Variants in RGS6 observed in about 807,000 individuals in gnomAD.
RGS6 encodes the protein regulator of G-protein signaling 6.
In RGS6, 30 loss-of-function variants were observed where a neutral mutation model predicts 78.5. The observed-to-expected ratio is 0.38, with a 90% CI of 0.29 to 0.52. RGS6 has a LOEUF of 0.52. Among genes scored for constraint, RGS6 ranks in the 20% least tolerant of loss-of-function variants. The pLI is 0.85. For missense variants in RGS6, 495 were observed against 609.7 expected (o/e 0.81, Z 1.98); for synonymous variants, 206 against 206.0 (o/e 1.00, Z 0.00).
At chr14:71,898,551 CAGGTTTGT>C in the RGS6 span, among the ~76,000 whole-genome samples, 1 of 152,008 alleles carries the variant, frequency 6.6e-6, no homozygotes, top group Non-Finnish European at 1.5e-5. Flanking sequence ...GCAGAACGTG[CAGGTTTGT>C]TACATAGGTA....
chr14:72,597,889 G>A, the RGS6 span, among the ~76,000 whole-genome samples: 4 of 152,142 alleles, frequency 2.6e-5, no homozygotes, highest in African/African-American at 4.8e-5. Context: ...GAGAGATGGA[G>A]GGAGCCGGCA....
At chr14:72,458,167 A>C in intron 4 of RGS6, 104 bp from the exon 5 acceptor site, 2 of 830,196 alleles carry the variant, frequency 2.4e-6, no homozygotes, top group Non-Finnish European at 3.9e-6. Flanking sequence ...TCATCAACAC[A>C]GACATCTGGG....
chr14:72,550,209 A>G (rs913400918), intron 17 of RGS6, among the ~76,000 whole-genome samples: 26 of 152,338 alleles, frequency 1.7e-4, no homozygotes, highest in South Asian at 4.1e-4. Flanking sequence ...AAGTTTTAAT[A>G]AGACACTTTT....
At chr14:72,462,140 T>C (rs2095798069) in intron 6 of RGS6, among the ~76,000 whole-genome samples, 1 of 152,122 alleles carries the variant, frequency 6.6e-6, no homozygotes, top group Non-Finnish European at 1.5e-5. Flanking sequence ...CGTTTACTGG[T>C]CCCTACTCTG....
chr14:71,997,862 C>T (rs937372372), intron 2 of RGS6, among the ~76,000 whole-genome samples: 3 of 152,294 alleles, frequency 2.0e-5, no homozygotes, highest in Non-Finnish European at 2.9e-5. Flanking sequence ...CAGTACAAGA[C>T]ATGAAAACTT....
chr14:72,059,154 C>T (rs2093766395), intron 2 of RGS6, among the ~76,000 whole-genome samples: 1 of 152,234 alleles, frequency 6.6e-6, no homozygotes, highest in Non-Finnish European at 1.5e-5. Context: ...CCTGCCTCAG[C>T]CTCCCACAGT....
At chr14:72,450,939 G>A (rs2095477090) in intron 3 of RGS6, among the ~76,000 whole-genome samples, 2 of 152,192 alleles carry the variant, frequency 1.3e-5, no homozygotes, top group African/African-American at 2.4e-5. Flanking sequence ...TTCCCTTTCT[G>A]ACTTGTTCCT....
intron 2 of RGS6, among the ~76,000 whole-genome samples, chr14:72,002,058 A>G (rs992321634): frequency 4.0e-5 from 6 of 151,760 alleles, no homozygotes; most frequent in African/African-American, 1.5e-4. Context: ...CTGCACCACC[A>G]TGCCTGGCTA....
chr14:72,501,996 T>C (rs751269437), intron 13 of RGS6, among the ~76,000 whole-genome samples: 5 of 152,114 alleles, frequency 3.3e-5, no homozygotes, highest in Non-Finnish European at 7.4e-5. Context: ...TATGGCCCCA[T>C]TGGTGCCTTC....
At chr14:72,230,737 C>G (rs1043685837) in intron 2 of RGS6, among the ~76,000 whole-genome samples, 18 of 152,144 alleles carry the variant, frequency 1.2e-4, no homozygotes, top group African/African-American at 4.1e-4. Flanking sequence ...GGGGAAACCT[C>G]AATTTTGCTT....
At chr14:72,574,124 G>C in the RGS6 span, among the ~76,000 whole-genome samples, 1 of 152,140 alleles carries the variant, frequency 6.6e-6, no homozygotes, top group Non-Finnish European at 1.5e-5. Context: ...GCCCCTCCCC[G>C]GTCAGGCACA....
intron 12 of RGS6, among the ~76,000 whole-genome samples, chr14:72,486,475 A>G (rs1016706928): frequency 6.6e-5 from 10 of 152,046 alleles, no homozygotes; most frequent in Middle Eastern, 3.2e-3. Flanking sequence ...AGAAGTGAGC[A>G]GAAACCCATA....
Position 72,480,759 on chromosome 14 carries a change from G to GCA in RGS6, c.854+2433_854+2434dup, listed in dbSNP as rs1401407605. Among the ~76,000 whole-genome samples the GCA allele has an allele frequency of 3.2e-4, 48 of 152,198 alleles. 1 individual carries two copies. The highest frequency in any genetic ancestry group is 1.0e-3 in the South Asian group (5 of 4,814). ...AGGCTGAGCTCTCTCAGGTGGGCAC[G>GCA]CACATCCACATCCACATCCCCATCC... is the stretch of plus-strand genomic sequence containing the variant. On this transcript the variant is annotated intron_variant, in intron 12 of 17. Transcript: ENST00000553525.
At chr14:72,344,940 A>G (rs2077729098) in intron 2 of RGS6, among the ~76,000 whole-genome samples, 1 of 152,182 alleles carries the variant, frequency 6.6e-6, no homozygotes, top group African/African-American at 2.4e-5. Flanking sequence ...CGTGGTAGAC[A>G]GTGTTACATG....
chr14:71,992,636 C>G (rs2095013277), intron 2 of RGS6, among the ~76,000 whole-genome samples: 2 of 152,212 alleles, frequency 1.3e-5, no homozygotes. Flanking sequence ...AAGCCATGCT[C>G]TTAACTACTC....
At chr14:72,174,729 G>A (rs1488524977) in intron 2 of RGS6, among the ~76,000 whole-genome samples, 5 of 152,128 alleles carry the variant, frequency 3.3e-5, no homozygotes. Flanking sequence ...GGGACTTGGT[G>A]CAGGGATATG....
intron 2 of RGS6, among the ~76,000 whole-genome samples, chr14:72,053,973 A>G (rs2093477188): frequency 6.6e-6 from 1 of 152,238 alleles, no homozygotes; most frequent in Non-Finnish European, 1.5e-5. Flanking sequence ...GGAAATTGAG[A>G]TAAGACCGAA....
intron 15 of RGS6, among the ~76,000 whole-genome samples, chr14:72,521,847 G>T (rs1355868412): frequency 1.3e-5 from 2 of 152,220 alleles, no homozygotes; most frequent in African/African-American, 2.4e-5. Context: ...AAGGAAGCAT[G>T]TCAACCACTA....
At chr14:72,071,057 A>C (rs961220493) in intron 2 of RGS6, among the ~76,000 whole-genome samples, 2 of 151,916 alleles carry the variant, frequency 1.3e-5, no homozygotes, top group African/African-American at 4.9e-5. Context: ...GACCAGCTGG[A>C]TGTAGTCGCC....
Sources: gnomAD v4.1 joint callset for allele counts (sites outside exome capture counted in the v4.1 genomes callset) on GRCh38, gnomAD v4.1.1 for gene constraint, MANE v1.5 for transcripts, NCBI Gene and HGNC (gene_info 2026-07-23, HGNC 2026-07-21) for gene names.